ZNF486: variants seen among roughly 807,000 people sequenced by gnomAD.
ZNF486 encodes the protein zinc finger protein 486.
A neutral mutation model predicts 12.8 loss-of-function variants in ZNF486; 12 were observed. That is an observed-to-expected ratio of 0.94 (90% CI 0.60 to 1.52). ZNF486 has a LOEUF of 1.52. Ranked by LOEUF, ZNF486 falls within the 40% of genes most tolerant of loss-of-function variation. The pLI is 0.00. For synonymous variants in ZNF486, 231 were observed against 184.9 expected (o/e 1.25, Z -2.02); for missense variants, 738 against 545.0 (o/e 1.35, Z -3.53).
chr19:20,175,941 GCGGCTGGCCGGGCAGGGGA>G, intron 1 of ZNF486, among the ~76,000 whole-genome samples: 3 of 151,696 alleles, frequency 2.0e-5, no homozygotes, highest in African/African-American at 7.3e-5. Context: ...CCCGGATGGG[GCGGCTGGCCGGGCAGGGGA>G]CTGACCCCAC....
At chr19:20,167,488 G>T in intron 1 of ZNF486, 128 bp downstream of exon 1, 1 of 1,099,282 alleles carries the variant, frequency 9.1e-7, no homozygotes, top group South Asian at 1.5e-5. Flanking sequence ...TACCCAGCTC[G>T]GCCTCAGTCC....
At position 20,197,812 on chromosome 19, in the gene ZNF486, C is replaced by A. The variant is rs1568328875; in HGVS notation, c.1102C>A (p.His368Asn). Residue 368 changes from histidine to asparagine, a missense_variant, in exon 4 of 4, where the codon CAT (histidine) becomes AAT (asparagine). His to Asn is a moderately conservative substitution (Grantham distance 68, BLOSUM62 1). Transcript: ENST00000335117. Reference sequence around the variant, plus strand: ...CACCCGCTCCTCACACCTTACTATGCATAAGATAATTCATACTGGAGAGAA... The same window carrying A: ...CACCCGCTCCTCACACCTTACTATGAATAAGATAATTCATACTGGAGAGAA... ...AFTRSSHLTM[H>N]KIIHTGEKPY... 1 of 1,613,788 alleles carries A rather than the reference C, an allele frequency of 6.2e-7. No homozygotes were observed. Among genetic ancestry groups the A allele is most frequent in the Non-Finnish European group, 8.5e-7 (1 of 1,179,922 alleles).
chr19:20,180,548 G>A, intron 1 of ZNF486, among the ~76,000 whole-genome samples: 1 of 152,032 alleles, frequency 6.6e-6, no homozygotes, highest in Non-Finnish European at 1.5e-5. Context: ...ACACCTGAAG[G>A]GATATTTATG....
chr19:20,197,243 A>C lies in ZNF486; in HGVS notation c.533A>C (p.Glu178Ala), dbSNP rs782680871. The change falls in exon 4 of 4, where the codon GAA becomes GCA. Residue 178 changes from glutamate to alanine, a missense_variant. Coordinates refer to ENST00000335117, the MANE Select transcript of ZNF486 (RefSeq NM_052852.4). ...AAGAGACATAAAAGAAGACATACTG[A>C]AAAAAAACCTTTGAAATATATAGAA... Reference protein sequence around the residue: ...NSKRHKRRHTEKKPLKYIEGD... With the variant: ...NSKRHKRRHTAKKPLKYIEGD... 3.7e-6 allele frequency: 6 copies of C among 1,611,230 alleles called. No individual in the cohort carries two copies. In the Admixed American group the frequency reaches 1.0e-4, roughly 27 times the overall value.
intron 3 of ZNF486, among the ~76,000 whole-genome samples, chr19:20,193,544 C>T (rs2089923460): frequency 6.6e-6 from 1 of 151,988 alleles, no homozygotes; most frequent in Non-Finnish European, 1.5e-5. Context: ...GCCTATAATC[C>T]CAGCTCCTCA....
intron 3 of ZNF486, 57 bp downstream of exon 3, chr19:20,186,139 A>G: frequency 7.4e-7 from 1 of 1,360,418 alleles, no homozygotes; most frequent in Non-Finnish European, 9.9e-7. Context: ...TCCCAAGGTC[A>G]AAAAGAAAGC....
At chr19:20,195,587 G>GGTATACATT (rs2089950344) in intron 3 of ZNF486, among the ~76,000 whole-genome samples, 1 of 152,208 alleles carries the variant, frequency 6.6e-6, no homozygotes, top group South Asian at 2.1e-4. Context: ...TATCATCTTT[G>GGTATACATT]ATAGAGATTT....
intron 2 of ZNF486, 107 bp from the exon 3 acceptor site, chr19:20,185,880 T>C (rs200263158): frequency 5.4e-6 from 3 of 552,556 alleles, no homozygotes; most frequent in Non-Finnish European, 8.5e-6. Flanking sequence ...AGTATTTTGG[T>C]ATTAATTTAC....
In ZNF486 at chr19:20,169,086, A is replaced by G. The variant is rs565861525; in HGVS notation, c.30+1726A>G. On this transcript the variant is annotated intron_variant, in intron 1 of 3. Coordinates refer to ENST00000335117, the MANE Select transcript of ZNF486 (RefSeq NM_052852.4). The stretch of plus-strand genomic sequence containing the variant: ...GAACTCCTGACCTTGTGATCCGCCT[A>G]CCTCAGCCTCCCGAAGTGGTGGGGT... Among the ~76,000 whole-genome samples, 362 of 151,596 alleles carry G rather than the reference A, an allele frequency of 2.4e-3. 4 individuals are homozygous for G. Among genetic ancestry groups the G allele is most frequent in the African/African-American group, 8.3e-3 (342 of 41,262 alleles).
In ZNF486 at chr19:20,198,421, A is replaced by C. The variant is rs1417846817; in HGVS notation, c.*319A>C. The C allele has an allele frequency of 3.6e-6, 1 of 280,978 alleles. No homozygotes were observed. Among genetic ancestry groups the C allele is most frequent in the African/African-American group, 2.2e-5 (1 of 45,238 alleles). 17.4% of individuals were successfully genotyped at this position (280,978 alleles called of 1,614,324 possible). The stretch of plus-strand genomic sequence containing the variant: ...CCTGGCTGACAAAGCTTTTTAAGGA[A>C]GTTCTCAACCCTTATTACACATAAT... On this transcript the variant is annotated 3_prime_UTR_variant, in exon 4 of 4. Coordinates refer to ENST00000335117, the MANE Select transcript of ZNF486 (RefSeq NM_052852.4).
chr19:20,190,436 G>C (rs2089890820), intron 3 of ZNF486, among the ~76,000 whole-genome samples: 1 of 152,210 alleles, frequency 6.6e-6, no homozygotes, highest in African/African-American at 2.4e-5. Flanking sequence ...CAAGGCTGGA[G>C]TGCTGTGGCA....
intron 3 of ZNF486, among the ~76,000 whole-genome samples, chr19:20,187,281 T>G (rs1252071856): frequency 1.3e-5 from 2 of 152,046 alleles, no homozygotes; most frequent in African/African-American, 4.8e-5. Flanking sequence ...TTCAGACAGG[T>G]TTTAATGTAC....
Position 20,197,646 on chromosome 19 carries a change from T to C in ZNF486, c.936T>C (p.His312=). The change falls in exon 4 of 4, where the codon CAT becomes CAC. Residue 312 remains histidine, a synonymous_variant. Coordinates refer to ENST00000335117, the MANE Select transcript of ZNF486 (RefSeq NM_052852.4). ...ACCATCCTGCAACTCTTTCTTCACATAAGAAAATTCATACTGGAGAGAAAC... is the reference window on the plus strand; with the variant it reads ...ACCATCCTGCAACTCTTTCTTCACACAAGAAAATTCATACTGGAGAGAAAC... ...AFNHPATLSS[H]KKIHTGEKPY... is the part of the protein sequence containing the mutation. 3 of 1,613,788 alleles carry C rather than the reference T, an allele frequency of 1.9e-6. No individual in the cohort carries two copies. Among genetic ancestry groups the C allele is most frequent in the Non-Finnish European group, 2.5e-6 (3 of 1,179,840 alleles).
intron 3 of ZNF486, among the ~76,000 whole-genome samples, chr19:20,189,016 T>A (rs1162843052): frequency 6.6e-6 from 1 of 152,218 alleles, no homozygotes; most frequent in Non-Finnish European, 1.5e-5. Context: ...ACCTTTTGGC[T>A]TTTGTGAATA....
At chr19:20,182,198 A>C (rs1165712833) in intron 1 of ZNF486, among the ~76,000 whole-genome samples, 1 of 152,144 alleles carries the variant, frequency 6.6e-6, no homozygotes, top group African/African-American at 2.4e-5. Flanking sequence ...GCTAATAATG[A>C]GCCAAGGGGA....
intron 3 of ZNF486, among the ~76,000 whole-genome samples, chr19:20,194,754 C>T (rs1288500185): frequency 6.6e-6 from 1 of 151,990 alleles, no homozygotes; most frequent in African/African-American, 2.4e-5. Context: ...CTGGTTATCT[C>T]ATGAGACTAT....
At chr19:20,169,543 C>T (rs1409511506) in intron 1 of ZNF486, among the ~76,000 whole-genome samples, 4 of 152,162 alleles carry the variant, frequency 2.6e-5, no homozygotes, top group Non-Finnish European at 5.9e-5. Context: ...GCTGGAGCCC[C>T]ACAGGTAGTT....
chr19:20,179,506 T>C (rs1555715245), intron 1 of ZNF486, among the ~76,000 whole-genome samples: 1 of 152,158 alleles, frequency 6.6e-6, no homozygotes, highest in East Asian at 1.9e-4. Flanking sequence ...AGACTTATTA[T>C]TTAGAATGTG....
chr19:20,194,912 C>A (rs1199765584), intron 3 of ZNF486, among the ~76,000 whole-genome samples: 1 of 152,024 alleles, frequency 6.6e-6, no homozygotes, highest in African/African-American at 2.4e-5. Flanking sequence ...ATGTTTACAT[C>A]ATATTTTCTT....
Sources: gnomAD v4.1 joint callset for allele counts (sites outside exome capture counted in the v4.1 genomes callset) on GRCh38, gnomAD v4.1.1 for gene constraint, MANE v1.5 for transcripts, NCBI Gene and HGNC (gene_info 2026-07-23, HGNC 2026-07-21) for gene names.